Variants in MMD2 observed in about 807,000 individuals in gnomAD.
The protein encoded by MMD2 is monocyte to macrophage differentiation associated 2, also known as monocyte to macrophage differentiation factor 2.
In MMD2, 30 loss-of-function variants were observed where a neutral mutation model predicts 33.5. That is an observed-to-expected ratio of 0.90 (90% CI 0.67 to 1.22). MMD2 has a LOEUF of 1.22. MMD2 is among the 50% of genes most tolerant of loss of function. The probability of loss-of-function intolerance (pLI) is 0.00; values close to 1 mark genes in which losing one functional copy is unlikely to be tolerated. For missense variants in MMD2, 364 were observed against 325.4 expected (o/e 1.12, Z -0.91); for synonymous variants, 129 against 123.0 (o/e 1.05, Z -0.32).
chr7:4,938,177 A>T (rs1785801923), intron 1 of MMD2, among the ~76,000 whole-genome samples: 2 of 151,018 alleles, frequency 1.3e-5, no homozygotes, highest in South Asian at 4.2e-4. Flanking sequence ...TGCCAGGCTA[A>T]TTTTTGTATT....
chr7:4,895,586 G>T, the MMD2 span, among the ~76,000 whole-genome samples: 1 of 151,754 alleles, frequency 6.6e-6, no homozygotes. Context: ...ACCCCAGCTG[G>T]AGTGCAGTGG....
In MMD2 at chr7:4,920,176, G is replaced by A. The variant is rs932061; in HGVS notation, c.285C>T (p.His95=). The A allele has an allele frequency of 0.42, 650,821 of 1,559,066 alleles. 139,199 individuals are homozygous for A. Among genetic ancestry groups the A allele is most frequent in the African/African-American group, 0.6 (43,993 of 73,380 alleles). ...CCCCTCTGGGCGGGAGGCACCTGAG[G>A]TGGCTCTTCTTCCAGGAGATGGTGT... ...VFHTISWKKS[H]LRMVEHCLHM... The change falls in exon 3 of 7, where the codon CAC becomes CAT. Residue 95 remains histidine, a synonymous_variant. Transcript: ENST00000401401.
chr7:4,935,541 G>A (rs1487799434), intron 1 of MMD2, among the ~76,000 whole-genome samples: 3 of 151,556 alleles, frequency 2.0e-5, no homozygotes, highest in South Asian at 2.1e-4. Context: ...GCCAGACGTG[G>A]TGGCATGCAT....
chr7:4,937,225 C>T (rs1318759523), intron 1 of MMD2, among the ~76,000 whole-genome samples: 1 of 151,088 alleles, frequency 6.6e-6, no homozygotes, highest in East Asian at 2.0e-4. Flanking sequence ...GGCGAAACCC[C>T]ATCTCTACTA....
intron 1 of MMD2, 34 bp from the exon 2 acceptor site, chr7:4,925,566 C>A: frequency 6.6e-7 from 1 of 1,518,480 alleles, no homozygotes; most frequent in Non-Finnish European, 8.9e-7. Flanking sequence ...GGAAGCTCCG[C>A]TGGGCAAGAG....
chr7:4,944,760 C>CT (rs142716643), intron 1 of MMD2, among the ~76,000 whole-genome samples: 4,168 of 75,292 alleles, frequency 0.055, 308 homozygotes, highest in African/African-American at 0.11. Context: ...TCTTCTTCTT[C>CT]TTTTTTTTTT....
chr7:4,903,570 G>C (rs1040484775), downstream of MMD2, among the ~76,000 whole-genome samples: 1 of 152,220 alleles, frequency 6.6e-6, no homozygotes, highest in East Asian at 1.9e-4. Context: ...TGTCGACCCT[G>C]GGGACAGCCC....
intron 1 of MMD2, among the ~76,000 whole-genome samples, chr7:4,928,054 G>A (rs1785479010): frequency 6.6e-6 from 1 of 152,188 alleles, no homozygotes; most frequent in Non-Finnish European, 1.5e-5. Flanking sequence ...CCTGGCTGTC[G>A]GACCAGCAGC....
chr7:4,917,233 C>T (rs748762932), intron 3 of MMD2, among the ~76,000 whole-genome samples: 1 of 152,180 alleles, frequency 6.6e-6, no homozygotes, highest in Non-Finnish European at 1.5e-5. Flanking sequence ...TAACCTTGAG[C>T]AAGTTACCTA....
intron 5 of MMD2, chr7:4,910,158 T>C: frequency 1.9e-6 from 2 of 1,060,066 alleles, no homozygotes; most frequent in Non-Finnish European, 2.7e-6. Context: ...GCACTTTCCC[T>C]CCCTGAGACT....
chr7:4,892,517 G>A, the MMD2 span, among the ~76,000 whole-genome samples: 7 of 151,614 alleles, frequency 4.6e-5, no homozygotes, highest in African/African-American at 1.7e-4. Flanking sequence ...GAACCTGGGA[G>A]ACAGAGGATG....
At chr7:4,921,046 G>A (rs1785270657) in intron 2 of MMD2, among the ~76,000 whole-genome samples, 1 of 152,128 alleles carries the variant, frequency 6.6e-6, no homozygotes, top group Non-Finnish European at 1.5e-5. Context: ...GCCATGTGGG[G>A]CCAGTGGCTG....
intron 1 of MMD2, among the ~76,000 whole-genome samples, chr7:4,936,326 C>G (rs908613891): frequency 6.6e-6 from 1 of 151,718 alleles, no homozygotes; most frequent in Non-Finnish European, 1.5e-5. Flanking sequence ...CACACACACC[C>G]CAACATTTTA....
intron 4 of MMD2, 119 bp from the exon 5 acceptor site, chr7:4,911,365 C>A: frequency 6.9e-6 from 5 of 720,682 alleles, no homozygotes; most frequent in Non-Finnish European, 1.2e-5. Flanking sequence ...TGTGACTCCA[C>A]GGCTGGGACA....
At chr7:4,945,189 T>TTCTTCTTCA (rs1554273350) in intron 1 of MMD2, among the ~76,000 whole-genome samples, 1 of 121,756 alleles carries the variant, frequency 8.2e-6, no homozygotes, top group Non-Finnish European at 1.7e-5. Flanking sequence ...TTCCTCTTTC[T>TTCTTCTTCA]TCTTCTTCTT....
chr7:4,911,741 C>A (rs951763082), intron 4 of MMD2, among the ~76,000 whole-genome samples: 19 of 151,952 alleles, frequency 1.3e-4, no homozygotes, highest in Non-Finnish European at 2.5e-4. Flanking sequence ...CTCCGCCACC[C>A]GGGTTCAAGC....
rs1177712490 is a variant in MMD2 at position 4,935,494 on chromosome 7, A to T, written c.48-9962T>A. Among the ~76,000 whole-genome samples the T allele has an allele frequency of 2.0e-5, 3 of 151,892 alleles. No homozygotes were observed. In the East Asian group the frequency reaches 5.8e-4, roughly 29 times the overall value. ...TAGCATTTAAAAAATGGGCAGAGAC[A>T]GTGAGACCTTATTTCCACAAAAAAA... On this transcript the variant is annotated intron_variant, in intron 1 of 6. Transcript: ENST00000401401.
chr7:4,947,555 A>ACCTG (rs1786123163), intron 1 of MMD2, among the ~76,000 whole-genome samples: 1 of 146,580 alleles, frequency 6.8e-6, no homozygotes, highest in African/African-American at 2.5e-5. Flanking sequence ...CTCCAGGCCC[A>ACCTG]GCTACTTTTT....
chr7:4,954,753 TC>T (rs1379877299), intron 1 of MMD2, among the ~76,000 whole-genome samples: 2 of 152,182 alleles, frequency 1.3e-5, no homozygotes, highest in African/African-American at 2.4e-5. Context: ...AGTTCATCAA[TC>T]TTTTTTTTAT....
Sources: allele counts gnomAD v4.1 joint callset (sites outside exome capture counted in the v4.1 genomes callset), GRCh38; gene constraint gnomAD v4.1.1; transcripts MANE v1.5; gene names NCBI Gene and HGNC (gene_info 2026-07-23, HGNC 2026-07-21).